Variants in MACF1 observed in about 807,000 individuals in gnomAD.
The protein encoded by MACF1 is microtubule-actin cross-linking factor 1.
In MACF1, 193 loss-of-function variants were observed where a neutral mutation model predicts 854.8. The ratio of observed to expected loss-of-function variants is 0.23; its 90% CI spans 0.20 to 0.25. The LOEUF is 0.25. MACF1 is among the 10% of genes least tolerant of loss of function. The pLI, the probability that MACF1 is intolerant of heterozygous loss-of-function variation, is 1.00. For missense variants in MACF1, 7,722 were observed against 8,929.1 expected (o/e 0.86, Z 5.45); for synonymous variants, 3,185 against 3,226.7 (o/e 0.99, Z 0.44).
At chr1:39,302,884 GT>G (rs1646078741) in intron 22 of MACF1, 39 bp from the exon 23 acceptor site, 1 of 1,577,554 alleles carries the variant, frequency 6.3e-7, no homozygotes, top group Non-Finnish European at 8.7e-7. Flanking sequence ...TGGGTTGTTG[GT>G]TTATCCATTA....
rs186147586 is a variant in MACF1 at position 39,102,442 on chromosome 1, G to C, written c.220+18004G>C. Among the ~76,000 whole-genome samples the C allele has an allele frequency of 6.7e-3, 1,005 of 149,648 alleles. 11 individuals are homozygous for C. Among genetic ancestry groups the C allele is most frequent in the South Asian group, 0.041 (194 of 4,744 alleles). ...GACCTATTAATTGGAGGCGGGGGGG[G>C]GGTCAAGGAAGGCTTTCCCCTGGGG... On this transcript the variant is annotated intron_variant, in intron 2 of 93. Coordinates refer to the MACF1 transcript ENST00000361689.
Position 39,381,940 on chromosome 1 carries a change from T to C in MACF1, c.13649-13T>C. ...AATGTAAAGGAATACATTCCCTCAT[T>C]TCCTCTCTACAGATTCCCGATGGGA... On this transcript the variant is annotated splice_polypyrimidine_tract_variant and intron_variant, in intron 55 of 100. Coordinates refer to ENST00000564288, the MANE Select transcript of MACF1 (RefSeq NM_001394062.1). The C allele has an allele frequency of 6.2e-7, 1 of 1,606,388 alleles. No homozygotes were observed. The highest frequency in any genetic ancestry group is 8.5e-7 in the Non-Finnish European group (1 of 1,173,518).
At chr1:39,272,279 T>C (rs1300803872) in intron 6 of MACF1, among the ~76,000 whole-genome samples, 3 of 152,358 alleles carry the variant, frequency 2.0e-5, no homozygotes, top group East Asian at 1.9e-4. Flanking sequence ...CTGAAGGAAC[T>C]GTCTTCAGGG....
intron 2 of MACF1, among the ~76,000 whole-genome samples, chr1:39,102,227 GA>G (rs1416032865): frequency 6.6e-6 from 1 of 151,874 alleles, no homozygotes; most frequent in Non-Finnish European, 1.5e-5. Context: ...GAGAGAGAAA[GA>G]AAAGAAAAGA....
chr1:39,259,216 G>C (rs1645129398), intron 6 of MACF1, among the ~76,000 whole-genome samples: 1 of 152,176 alleles, frequency 6.6e-6, no homozygotes. Flanking sequence ...TTGTCTCATA[G>C]GTGGGAGGTA....
At chr1:39,417,829 C>G (rs1169663057) in intron 58 of MACF1, among the ~76,000 whole-genome samples, 1 of 146,960 alleles carries the variant, frequency 6.8e-6, no homozygotes, top group African/African-American at 2.5e-5. Context: ...CCGCCTGCCT[C>G]GGCGTCCCAA....
intron 52 of MACF1, 51 bp from the exon 53 acceptor site, chr1:39,378,410 A>G: frequency 2.9e-6 from 4 of 1,385,374 alleles, no homozygotes; most frequent in Non-Finnish European, 4.1e-6. Flanking sequence ...GCCTATATGT[A>G]TTCCTAACAC....
chr1:39,274,489 C>T (rs780549402), intron 6 of MACF1, among the ~76,000 whole-genome samples: 7 of 152,122 alleles, frequency 4.6e-5, no homozygotes, highest in Non-Finnish European at 8.8e-5. Context: ...CTAACATTTA[C>T]ATTGTATTAG....
intron 2 of MACF1, among the ~76,000 whole-genome samples, chr1:39,104,799 G>A (rs1243127241): frequency 6.6e-6 from 1 of 152,168 alleles, no homozygotes; most frequent in Non-Finnish European, 1.5e-5. Flanking sequence ...TGTGGGCTCA[G>A]TGTCCTCCGG....
chr1:39,358,230 G>C (rs1291199896), intron 45 of MACF1, among the ~76,000 whole-genome samples: 1 of 152,114 alleles, frequency 6.6e-6, no homozygotes, highest in African/African-American at 2.4e-5. Context: ...TAAACCAATT[G>C]CACAGTCTTT....
intron 52 of MACF1, among the ~76,000 whole-genome samples, chr1:39,375,193 A>AT (rs1470692092): frequency 9.9e-5 from 15 of 152,146 alleles, no homozygotes; most frequent in African/African-American, 3.6e-4. Context: ...ATTTTATAGC[A>AT]TTTATCTGTT....
chr1:39,470,771 CTT>C (rs982174173), intron 97 of MACF1, among the ~76,000 whole-genome samples: 2 of 152,182 alleles, frequency 1.3e-5, no homozygotes, highest in African/African-American at 4.8e-5. Context: ...AGTAAAACAA[CTT>C]TATTCCTTTC....
intron 58 of MACF1, among the ~76,000 whole-genome samples, chr1:39,392,835 T>G (rs1642088551): frequency 6.6e-6 from 1 of 152,150 alleles, no homozygotes; most frequent in Non-Finnish European, 1.5e-5. Flanking sequence ...CAGACCAGAT[T>G]CTATCACATG....
chr1:39,294,115 CTAGTATTGTTCAACTGG>C (rs1488338097), intron 18 of MACF1, among the ~76,000 whole-genome samples: 10 of 152,160 alleles, frequency 6.6e-5, no homozygotes, highest in Non-Finnish European at 1.5e-5. Context: ...AGCATTTAGT[CTAGTATTGTTCAACTGG>C]GATATACTCT....
intron 2 of MACF1, among the ~76,000 whole-genome samples, chr1:39,095,329 G>A (rs1199690918): frequency 1.3e-5 from 2 of 151,704 alleles, no homozygotes; most frequent in African/African-American, 2.4e-5. Flanking sequence ...TTGGGAGGCC[G>A]AGGCGGGCGG....
At position 39,438,017 on chromosome 1, in the gene MACF1, T is replaced by C. The variant is rs887323245; in HGVS notation, c.18220+9T>C. 1.2e-6 allele frequency: 2 copies of C among 1,608,880 alleles called. No individual in the cohort carries two copies. The highest frequency in any genetic ancestry group is 2.7e-5 in the African/African-American group (2 of 74,770). On this transcript the variant is annotated intron_variant, in intron 71 of 100. Coordinates refer to ENST00000564288, the MANE Select transcript of MACF1 (RefSeq NM_001394062.1). Reference sequence around the variant, plus strand: ...GGATCTGGCTGCAAAAGGTGCTTGATGATTGTCATTATTTTTAAAAATCAA... The same window carrying C: ...GGATCTGGCTGCAAAAGGTGCTTGACGATTGTCATTATTTTTAAAAATCAA...
intron 47 of MACF1, 76 bp from the exon 48 acceptor site, chr1:39,360,717 A>ATTT: frequency 2.8e-6 from 1 of 355,242 alleles, no homozygotes; most frequent in Admixed American, 5.4e-5. Flanking sequence ...TTATTTAATA[A>ATTT]TATTAATAAT....
intron 2 of MACF1, among the ~76,000 whole-genome samples, chr1:39,183,735 A>G (rs926869349): frequency 6.7e-6 from 1 of 150,370 alleles, no homozygotes; most frequent in African/African-American, 2.5e-5. Flanking sequence ...CCCCATACCC[A>G]GCTCCACCAA....
At chr1:39,102,702 G>C in intron 2 of MACF1, 1 of 696,852 alleles carries the variant, frequency 1.4e-6, no homozygotes, top group Non-Finnish European at 2.6e-6. Flanking sequence ...TCTTCCACTA[G>C]ATGCCCTTCC....
Sources: gnomAD v4.1 joint callset for allele counts (sites outside exome capture counted in the v4.1 genomes callset) on GRCh38, gnomAD v4.1.1 for gene constraint, MANE v1.5 for transcripts, NCBI Gene and HGNC (gene_info 2026-07-23, HGNC 2026-07-21) for gene names.